CAMKMT: variants seen among roughly 807,000 people sequenced by gnomAD.
CAMKMT encodes calmodulin-lysine N-methyltransferase.
A neutral mutation model predicts 48.0 loss-of-function variants in CAMKMT; 53 were observed. That is an observed-to-expected ratio of 1.10 (90% CI 0.89 to 1.39). The LOEUF is 1.39. CAMKMT is among the 40% of genes most tolerant of loss of function. The probability of loss-of-function intolerance (pLI) is 0.00; values close to 1 mark genes in which losing one functional copy is unlikely to be tolerated. For missense variants in CAMKMT, 428 were observed against 402.7 expected (o/e 1.06, Z -0.54); for synonymous variants, 165 against 152.3 (o/e 1.08, Z -0.61).
At chr2:44,398,646 C>T (rs550338172) in intron 3 of CAMKMT, among the ~76,000 whole-genome samples, 1 of 150,990 alleles carries the variant, frequency 6.6e-6, no homozygotes, top group East Asian at 1.9e-4. Context: ...TAACATAGCC[C>T]CTTCTCTAAG....
chr2:44,404,451 A>G (rs1019678777), intron 3 of CAMKMT, among the ~76,000 whole-genome samples: 2 of 152,048 alleles, frequency 1.3e-5, no homozygotes, highest in African/African-American at 2.4e-5. Flanking sequence ...TTTCCCCTCC[A>G]GATATCTTTT....
At chr2:44,395,087 G>C (rs74262109) in intron 3 of CAMKMT, 26,979 of 399,808 alleles carry the variant, frequency 0.067, 1,193 homozygotes, top group South Asian at 0.13. Flanking sequence ...GGAAACCAAA[G>C]GTAATAGTTT....
intron 3 of CAMKMT, among the ~76,000 whole-genome samples, chr2:44,673,504 A>G (rs992312074): frequency 8.3e-5 from 12 of 144,056 alleles, no homozygotes; most frequent in African/African-American, 3.1e-4. Context: ...GAAGGAAGGA[A>G]GGAAGGAAGG....
chr2:44,466,224 A>G (rs1322046976), intron 3 of CAMKMT, among the ~76,000 whole-genome samples: 1 of 152,218 alleles, frequency 6.6e-6, no homozygotes, highest in East Asian at 1.9e-4. Flanking sequence ...AGCATAACAC[A>G]CATTTTTCTC....
At chr2:44,493,055 A>C (rs540376015) in intron 3 of CAMKMT, among the ~76,000 whole-genome samples, 4 of 151,914 alleles carry the variant, frequency 2.6e-5, no homozygotes, top group Admixed American at 2.0e-4. Context: ...CACCATGCCC[A>C]GCTAATTTTT....
chr2:44,483,916 A>G (rs1274589073), intron 3 of CAMKMT, among the ~76,000 whole-genome samples: 1 of 152,174 alleles, frequency 6.6e-6, no homozygotes, highest in Admixed American at 6.5e-5. Flanking sequence ...ATATTTCTAG[A>G]GAAGTCTGAA....
At chr2:44,768,485 G>T (rs1470184002) in intron 10 of CAMKMT, among the ~76,000 whole-genome samples, 1 of 151,968 alleles carries the variant, frequency 6.6e-6, no homozygotes, top group Non-Finnish European at 1.5e-5. Flanking sequence ...TGCTGACCGG[G>T]CTGGCACGTG....
intron 3 of CAMKMT, among the ~76,000 whole-genome samples, chr2:44,428,876 A>G (rs901649997): frequency 1.3e-5 from 2 of 152,212 alleles, no homozygotes; most frequent in African/African-American, 4.8e-5. Flanking sequence ...GCACGGGCAG[A>G]AGGCATTTGT....
At chr2:44,563,113 T>G (rs1668411568) in intron 3 of CAMKMT, among the ~76,000 whole-genome samples, 2 of 146,678 alleles carry the variant, frequency 1.4e-5, no homozygotes, top group South Asian at 2.2e-4. Context: ...AATTAAAACT[T>G]ACAAGGTTTA....
At chr2:44,683,846 AAAAG>A (rs1400687790) in intron 3 of CAMKMT, among the ~76,000 whole-genome samples, 3 of 149,992 alleles carry the variant, frequency 2.0e-5, no homozygotes, top group Non-Finnish European at 4.4e-5. Context: ...AAAAAAAAGA[AAAAG>A]AAAAAAGAAA....
At chr2:44,531,934 A>G (rs1383252531) in intron 3 of CAMKMT, among the ~76,000 whole-genome samples, 1 of 152,174 alleles carries the variant, frequency 6.6e-6, no homozygotes, top group East Asian at 1.9e-4. Flanking sequence ...TTACAAAATA[A>G]AAGGCAGGAA....
chr2:44,489,346 A>G (rs976825051), intron 3 of CAMKMT, among the ~76,000 whole-genome samples: 2 of 150,936 alleles, frequency 1.3e-5, no homozygotes, highest in African/African-American at 2.4e-5. Flanking sequence ...CCCAGGTTCA[A>G]GCAATTCTCC....
chr2:44,587,434 C>T (rs1646304723), intron 3 of CAMKMT, among the ~76,000 whole-genome samples: 2 of 149,518 alleles, frequency 1.3e-5, no homozygotes, highest in East Asian at 2.0e-4. Flanking sequence ...TTAGCTCTCC[C>T]TCTCCCTCCC....
chr2:44,508,135 T>A (rs557708847), intron 3 of CAMKMT, among the ~76,000 whole-genome samples: 38 of 152,330 alleles, frequency 2.5e-4, no homozygotes, highest in Admixed American at 2.2e-3. Flanking sequence ...CTTTAAGGAC[T>A]GGCATAGGTA....
At position 44,390,239 on chromosome 2, in the gene CAMKMT, A is replaced by C. The variant is rs1222383318; in HGVS notation, c.312-2A>C. 1 of 1,603,298 alleles carries C rather than the reference A, an allele frequency of 6.2e-7. No individual in the cohort carries two copies. Among genetic ancestry groups the C allele is most frequent in the Non-Finnish European group, 8.5e-7 (1 of 1,176,142 alleles). Reference sequence around the variant, plus strand: ...TAAAGCAAACGCTTTACTCCTTTCTAGGCATAATAGTGGATCCTTGAATGT... The same window carrying C: ...TAAAGCAAACGCTTTACTCCTTTCTCGGCATAATAGTGGATCCTTGAATGT... On this transcript the variant is annotated splice_acceptor_variant, in intron 2 of 10. Coordinates refer to ENST00000378494, the MANE Select transcript of CAMKMT (RefSeq NM_024766.5). LOFTEE classifies it high-confidence loss of function.
At chr2:44,751,795 G>T (rs1680164125) in intron 8 of CAMKMT, among the ~76,000 whole-genome samples, 2 of 152,226 alleles carry the variant, frequency 1.3e-5, no homozygotes, top group South Asian at 4.1e-4. Context: ...TTATGGTTCT[G>T]CAGGCTGTGC....
intron 2 of CAMKMT, among the ~76,000 whole-genome samples, chr2:44,384,500 C>CTTTTTTTTT (rs141017634): frequency 4.8e-4 from 46 of 95,788 alleles, no homozygotes; most frequent in East Asian, 6.8e-4. Flanking sequence ...AGCTATTTAT[C>CTTTTTTTTT]TTTTTTTTTT....
intron 3 of CAMKMT, among the ~76,000 whole-genome samples, chr2:44,601,238 C>T (rs1670969272): frequency 6.6e-6 from 1 of 152,136 alleles, no homozygotes; most frequent in Admixed American, 6.5e-5. Context: ...GGGCAGATCA[C>T]CTGAGGTGAG....
At chr2:44,579,332 A>G (rs922880231) in intron 3 of CAMKMT, among the ~76,000 whole-genome samples, 1 of 152,322 alleles carries the variant, frequency 6.6e-6, no homozygotes, top group Admixed American at 6.5e-5. Flanking sequence ...ATGGAAGCCC[A>G]GTAATTCATG....
Sources: allele counts gnomAD v4.1 joint callset (sites outside exome capture counted in the v4.1 genomes callset), GRCh38; gene constraint gnomAD v4.1.1; transcripts MANE v1.5; gene names NCBI Gene and HGNC (gene_info 2026-07-23, HGNC 2026-07-21).